The following GUCY1A2 variants were observed in gnomAD, a reference collection of about 807,000 sequenced individuals.
GUCY1A2 encodes guanylate cyclase 1 soluble subunit alpha 2, also known as guanylate cyclase soluble subunit alpha-2.
GUCY1A2 carries 27 observed loss-of-function variants against 63.5 expected under a neutral mutation model. The ratio of observed to expected loss-of-function variants is 0.43; its 90% CI spans 0.31 to 0.59. The LOEUF (loss-of-function observed/expected upper bound fraction) is 0.59, where lower values mean the gene tolerates loss of function less well. Ranked by LOEUF, GUCY1A2 falls within the 20% of genes least tolerant of loss-of-function variation. The probability of loss-of-function intolerance (pLI) is 0.11; values close to 1 mark genes in which losing one functional copy is unlikely to be tolerated. For missense variants in GUCY1A2, 768 were observed against 913.3 expected, an observed-to-expected ratio of 0.84 and a Z score of 2.05; for synonymous variants, 364 against 343.5, an observed-to-expected ratio of 1.06 and a Z score of -0.66.
chr11:106,740,542 C>G (rs1042271189), intron 6 of GUCY1A2, among the ~76,000 whole-genome samples: 1 of 152,138 alleles, frequency 6.6e-6, no homozygotes, highest in African/African-American at 2.4e-5. Context: ...CCATTGCCCT[C>G]CTTCTATGAT....
intron 4 of GUCY1A2, among the ~76,000 whole-genome samples, chr11:106,886,236 T>G (rs1388293244): frequency 1.3e-5 from 2 of 152,188 alleles, no homozygotes; most frequent in African/African-American, 4.8e-5. Flanking sequence ...GTCTTTATAG[T>G]AAAAGTGTCC....
intron 6 of GUCY1A2, among the ~76,000 whole-genome samples, chr11:106,746,856 G>GAGAA (rs1228273292): frequency 6.6e-6 from 1 of 152,182 alleles, no homozygotes; most frequent in African/African-American, 2.4e-5. Flanking sequence ...AGGGAACTTG[G>GAGAA]AGAAAGCATC....
At chr11:106,928,918 G>GA (rs1860565783) in intron 4 of GUCY1A2, among the ~76,000 whole-genome samples, 1 of 152,152 alleles carries the variant, frequency 6.6e-6, no homozygotes, top group Admixed American at 6.5e-5. Flanking sequence ...ATTATTTTCA[G>GA]AAAAATAAAA....
intron 5 of GUCY1A2, among the ~76,000 whole-genome samples, chr11:106,800,556 C>A (rs939913879): frequency 6.6e-6 from 1 of 152,000 alleles, no homozygotes; most frequent in Non-Finnish European, 1.5e-5. Context: ...TACTATGCAG[C>A]CATAAAAAAG....
At chr11:106,719,809 A>G (rs980940374) in intron 6 of GUCY1A2, among the ~76,000 whole-genome samples, 5 of 152,216 alleles carry the variant, frequency 3.3e-5, no homozygotes, top group African/African-American at 7.2e-5. Flanking sequence ...ATATGCATCC[A>G]AGGTTGAAAT....
intron 7 of GUCY1A2, among the ~76,000 whole-genome samples, chr11:106,698,509 G>T (rs1235963866): frequency 1.3e-5 from 2 of 152,000 alleles, no homozygotes; most frequent in African/African-American, 2.4e-5. Context: ...TAATATAGAA[G>T]AATTGCAAAG....
At chr11:106,787,705 A>G (rs1864587495) in intron 5 of GUCY1A2, among the ~76,000 whole-genome samples, 1 of 150,428 alleles carries the variant, frequency 6.6e-6, no homozygotes, top group Admixed American at 6.6e-5. Context: ...CTTATCGCAA[A>G]TGACAGGATC....
intron 1 of GUCY1A2, among the ~76,000 whole-genome samples, chr11:107,005,608 G>A (rs1433772202): frequency 6.6e-6 from 1 of 152,074 alleles, no homozygotes; most frequent in African/African-American, 2.4e-5. Flanking sequence ...TTTTCTGAGA[G>A]CCCCTACTTC....
chr11:106,767,219 T>C (rs1418088502), intron 6 of GUCY1A2, among the ~76,000 whole-genome samples: 1 of 152,098 alleles, frequency 6.6e-6, no homozygotes, highest in Non-Finnish European at 1.5e-5. Context: ...AACAAAATAC[T>C]CAAACCATGT....
At chr11:107,017,660 G>T in intron 1 of GUCY1A2, 93 bp downstream of exon 1, 1 of 692,658 alleles carries the variant, frequency 1.4e-6, no homozygotes, top group Non-Finnish European at 2.0e-6. Context: ...CAGCGGTCGG[G>T]CTCTGCGCTC....
intron 4 of GUCY1A2, among the ~76,000 whole-genome samples, chr11:106,880,889 A>T (rs564682281): frequency 9.2e-5 from 14 of 152,252 alleles, no homozygotes; most frequent in African/African-American, 3.1e-4. Flanking sequence ...TGGAAATGAC[A>T]ATTTGGGAAA....
chr11:106,953,492 G>A (rs1860939743), intron 3 of GUCY1A2, among the ~76,000 whole-genome samples: 1 of 151,986 alleles, frequency 6.6e-6, no homozygotes, highest in African/African-American at 2.4e-5. Context: ...TCTTTTTTGT[G>A]TGTCTCTTCC....
chr11:106,756,789 T>G (rs1219200793), intron 6 of GUCY1A2, among the ~76,000 whole-genome samples: 2 of 152,180 alleles, frequency 1.3e-5, no homozygotes, highest in Non-Finnish European at 2.9e-5. Context: ...ATTTTTTCCT[T>G]CATTTCAACC....
chr11:106,741,023 G>T (rs2135378785), intron 6 of GUCY1A2, among the ~76,000 whole-genome samples: 1 of 152,276 alleles, frequency 6.6e-6, no homozygotes, highest in South Asian at 2.1e-4. Context: ...GGAGCAGAGA[G>T]CATGCCCTCT....
chr11:106,871,442 C>T (rs759483704), intron 4 of GUCY1A2, among the ~76,000 whole-genome samples: 1 of 152,100 alleles, frequency 6.6e-6, no homozygotes, highest in Non-Finnish European at 1.5e-5. Flanking sequence ...AGAATCTGTT[C>T]CATACAGCTC....
chr11:106,849,184 G>A (rs1397144902), intron 4 of GUCY1A2, among the ~76,000 whole-genome samples: 1 of 151,486 alleles, frequency 6.6e-6, no homozygotes, highest in Non-Finnish European at 1.5e-5. Context: ...CTCTGGTGTA[G>A]AGACTGGCAT....
chr11:106,759,136 C>T (rs1864021948), intron 6 of GUCY1A2, among the ~76,000 whole-genome samples: 1 of 151,114 alleles, frequency 6.6e-6, no homozygotes, highest in Non-Finnish European at 1.5e-5. Context: ...GCACATGTAC[C>T]CCTTAATCTA....
intron 1 of GUCY1A2, among the ~76,000 whole-genome samples, chr11:106,994,386 C>T (rs577974463): frequency 1.3e-5 from 2 of 152,280 alleles, no homozygotes; most frequent in Admixed American, 1.3e-4. Flanking sequence ...ACCATCAATA[C>T]TAATTTGAGC....
intron 6 of GUCY1A2, among the ~76,000 whole-genome samples, chr11:106,714,649 G>A (rs1479385496): frequency 2.0e-5 from 3 of 152,196 alleles, no homozygotes; most frequent in Non-Finnish European, 4.4e-5. Context: ...AGTTAAAGGA[G>A]ATTACTTTGC....
Sources: gnomAD v4.1 joint callset for allele counts (sites outside exome capture counted in the v4.1 genomes callset) on GRCh38, gnomAD v4.1.1 for gene constraint, MANE v1.5 for transcripts, NCBI Gene and HGNC (gene_info 2026-07-23, HGNC 2026-07-21) for gene names.